Variants in PKHD1 observed in about 807,000 individuals in gnomAD.
PKHD1 encodes fibrocystin.
In PKHD1, 291 loss-of-function variants were observed where a neutral mutation model predicts 412.0. The observed-to-expected ratio is 0.71, with a 90% confidence interval of 0.64 to 0.78. The LOEUF (loss-of-function observed/expected upper bound fraction) is 0.78, where lower values mean the gene tolerates loss of function less well. Among genes scored for constraint, PKHD1 ranks in the 30% least tolerant of loss-of-function variants. The probability of loss-of-function intolerance (pLI) is 0.00; values close to 1 mark genes in which losing one functional copy is unlikely to be tolerated. For missense variants in PKHD1, 4,825 were observed against 4,950.7 expected (o/e 0.97, Z 0.76); for synonymous variants, 1,777 against 1,821.5 (o/e 0.98, Z 0.62).
chr6:51,770,796 G>A (rs1235150626), intron 55 of PKHD1, among the ~76,000 whole-genome samples: 1 of 151,860 alleles, frequency 6.6e-6, no homozygotes, highest in East Asian at 1.9e-4. Flanking sequence ...AATTTTGAAT[G>A]GTGAAGATTC....
intron 61 of PKHD1, 29 bp downstream of exon 61, chr6:51,658,923 A>G (rs1164331328): frequency 3.3e-6 from 5 of 1,504,816 alleles, no homozygotes; most frequent in Non-Finnish European, 4.6e-6. Context: ...ATCAGCCCTC[A>G]TTTGGATGTG....
intron 34 of PKHD1, among the ~76,000 whole-genome samples, chr6:52,011,201 A>C (rs1449468003): frequency 2.6e-5 from 4 of 152,194 alleles, no homozygotes; most frequent in Non-Finnish European, 5.9e-5. Context: ...GCATTACAGA[A>C]AGTCTAAAAA....
At chr6:52,016,306 C>T (rs1452298176) in intron 34 of PKHD1, among the ~76,000 whole-genome samples, 1 of 152,166 alleles carries the variant, frequency 6.6e-6, no homozygotes, top group Non-Finnish European at 1.5e-5. Flanking sequence ...TTATCTCTTT[C>T]ACCGTGGGGA....
At chr6:51,779,416 AG>A (rs1274114615) in intron 53 of PKHD1, among the ~76,000 whole-genome samples, 1 of 152,074 alleles carries the variant, frequency 6.6e-6, no homozygotes, top group African/African-American at 2.4e-5. Flanking sequence ...TGACCTTCTA[AG>A]GGCTATCACA....
At chr6:51,807,306 C>T (rs115444134) in intron 52 of PKHD1, among the ~76,000 whole-genome samples, 5,626 of 151,358 alleles carry the variant, frequency 0.037, 165 homozygotes, top group Middle Eastern at 0.11. Context: ...GGCATGGTGG[C>T]TCATTCCTGT....
intron 60 of PKHD1, among the ~76,000 whole-genome samples, chr6:51,728,187 T>C (rs1782812608): frequency 6.6e-6 from 1 of 152,176 alleles, no homozygotes; most frequent in South Asian, 2.1e-4. Context: ...TAACAAAAGA[T>C]TGCTTAAAGA....
intron 46 of PKHD1, among the ~76,000 whole-genome samples, chr6:51,881,983 A>T (rs1241251086): frequency 6.6e-6 from 1 of 152,206 alleles, no homozygotes; most frequent in Non-Finnish European, 1.5e-5. Flanking sequence ...CCCTTTTGTC[A>T]TAATTTACAT....
At chr6:51,970,825 C>T (rs1793567241) in intron 35 of PKHD1, among the ~76,000 whole-genome samples, 1 of 152,224 alleles carries the variant, frequency 6.6e-6, no homozygotes, top group African/African-American at 2.4e-5. Flanking sequence ...ATTTTAATAC[C>T]AGTACCATGC....
chr6:51,854,639 C>A lies in PKHD1; in HGVS notation c.7911+1254G>T, dbSNP rs149807581. ...GCCTCTGGCTGGAGTTATTGGAGAT[C>A]CTGCGGGGAAGCCCTGCCTGCCCAC... On this transcript the variant is annotated intron_variant, in intron 49 of 66. Transcript: ENST00000371117. 9.1e-3 allele frequency among the ~76,000 whole-genome samples: 1,382 copies of A among 152,238 alleles called. 9 individuals carry two copies. The highest frequency in any genetic ancestry group is 0.016 in the Non-Finnish European group (1,100 of 68,016).
At chr6:51,732,705 G>A (rs1406837419) in intron 60 of PKHD1, among the ~76,000 whole-genome samples, 2 of 152,188 alleles carry the variant, frequency 1.3e-5, no homozygotes, top group African/African-American at 4.8e-5. Context: ...AAATGGTACA[G>A]TTATTGTGGG....
At chr6:51,856,536 C>G (rs1167219547) in intron 48 of PKHD1, among the ~76,000 whole-genome samples, 1 of 152,080 alleles carries the variant, frequency 6.6e-6, no homozygotes, top group Non-Finnish European at 1.5e-5. Context: ...TTATCAACAG[C>G]AAAAAACATT....
chr6:52,033,899 C>T (rs536439975), intron 28 of PKHD1, among the ~76,000 whole-genome samples: 74 of 151,980 alleles, frequency 4.9e-4, no homozygotes, highest in Middle Eastern at 6.8e-3. Flanking sequence ...GAGGCCGAGG[C>T]GGGTGGATCA....
At chr6:51,747,037 T>C in intron 58 of PKHD1, 148 bp from the exon 59 acceptor site, 2 of 596,998 alleles carry the variant, frequency 3.4e-6, no homozygotes, top group Non-Finnish European at 5.8e-6. Flanking sequence ...TACATACATC[T>C]TGATATAAAA....
chr6:51,843,508 GC>G (rs1431098363), intron 50 of PKHD1, among the ~76,000 whole-genome samples: 1 of 152,138 alleles, frequency 6.6e-6, no homozygotes, highest in African/African-American at 2.4e-5. Context: ...AGGGAAAGAG[GC>G]AGTGGGAAAC....
At chr6:51,794,864 T>C (rs890468490) in intron 52 of PKHD1, among the ~76,000 whole-genome samples, 5 of 152,166 alleles carry the variant, frequency 3.3e-5, no homozygotes, top group Non-Finnish European at 7.3e-5. Flanking sequence ...TCTCTTTCTG[T>C]TCCATTGGTC....
chr6:52,083,312 T>C, intron 2 of PKHD1, 57 bp from the exon 3 acceptor site: 1 of 1,081,180 alleles, frequency 9.2e-7, no homozygotes. Context: ...ACCACTACCT[T>C]CTGCAATATT....
intron 52 of PKHD1, among the ~76,000 whole-genome samples, chr6:51,795,398 A>G: frequency 6.6e-6 from 1 of 152,216 alleles, no homozygotes; most frequent in East Asian, 1.9e-4. Context: ...ATTTTGCTGA[A>G]GTTGCTTATC....
intron 52 of PKHD1, among the ~76,000 whole-genome samples, chr6:51,798,955 T>G (rs1795000879): frequency 6.6e-6 from 1 of 152,148 alleles, no homozygotes; most frequent in Non-Finnish European, 1.5e-5. Context: ...GACAAGTACA[T>G]GAAGTTTTAA....
intron 28 of PKHD1, among the ~76,000 whole-genome samples, chr6:52,034,412 G>T (rs1803602132): frequency 6.6e-6 from 1 of 151,888 alleles, no homozygotes. Flanking sequence ...TCTATCACTT[G>T]GATCAAAAGT....
Sources: allele counts gnomAD v4.1 joint callset (sites outside exome capture counted in the v4.1 genomes callset), GRCh38; gene constraint gnomAD v4.1.1; transcripts MANE v1.5; gene names NCBI Gene and HGNC (gene_info 2026-07-23, HGNC 2026-07-21).